PRKAR1A: variants seen among roughly 807,000 people sequenced by gnomAD.
The protein encoded by PRKAR1A is cAMP-dependent protein kinase type I-alpha regulatory subunit.
A neutral mutation model predicts 52.0 loss-of-function variants in PRKAR1A; 3 were observed. That is an observed-to-expected ratio of 0.06 (90% CI 0.03 to 0.15). The LOEUF (loss-of-function observed/expected upper bound fraction) is 0.15, where lower values mean the gene tolerates loss of function less well. PRKAR1A is among the 10% of genes least tolerant of loss of function. The pLI is 1.00. For synonymous variants in PRKAR1A, 188 were observed against 168.4 expected (o/e 1.12, Z -0.90); for missense variants, 240 against 477.4 (o/e 0.50, Z 4.63).
At chr17:68,536,863 C>G (rs1236355930), downstream of PRKAR1A, 10 of 453,984 alleles carry the variant, frequency 2.2e-5, no homozygotes, top group Non-Finnish European at 4.4e-5. Context: ...GCAAATCCCT[C>G]TTTTATTTTT....
the PRKAR1A span, among the ~76,000 whole-genome samples, chr17:68,476,067 G>A: frequency 4.6e-5 from 7 of 152,020 alleles, no homozygotes; most frequent in Non-Finnish European, 7.4e-5. Flanking sequence ...TTGCCCTATA[G>A]TGTTTACAAA....
At chr17:68,437,563 A>G in the PRKAR1A span, among the ~76,000 whole-genome samples, 1 of 152,122 alleles carries the variant, frequency 6.6e-6, no homozygotes, top group South Asian at 2.1e-4. Context: ...AGAAAAAAAA[A>G]AAAAGAAACC....
intron 2 of PRKAR1A, among the ~76,000 whole-genome samples, chr17:68,520,386 G>A (rs1470501065): frequency 2.6e-5 from 4 of 152,186 alleles, no homozygotes; most frequent in Non-Finnish European, 5.9e-5. Context: ...ATGCAAAACC[G>A]AATGCAGAAT....
At chr17:68,443,601 G>A in the PRKAR1A span, among the ~76,000 whole-genome samples, 4 of 152,150 alleles carry the variant, frequency 2.6e-5, no homozygotes, top group South Asian at 8.3e-4. Context: ...CTGGGAGATG[G>A]GTATTATTCA....
intron 11 of PRKAR1A, among the ~76,000 whole-genome samples, chr17:68,548,725 A>ATT (rs753348891): frequency 0.032 from 2,509 of 78,934 alleles, 99 homozygotes; most frequent in African/African-American, 0.043. Flanking sequence ...ATGCCTGTAT[A>ATT]TTTTTTTTTT....
the PRKAR1A span, among the ~76,000 whole-genome samples, chr17:68,457,049 C>G: frequency 6.6e-6 from 1 of 152,218 alleles, no homozygotes; most frequent in Non-Finnish European, 1.5e-5. Context: ...CCTGCTCCCC[C>G]CATATTCCGT....
At chr17:68,504,763 G>C in the PRKAR1A span, among the ~76,000 whole-genome samples, 1 of 151,942 alleles carries the variant, frequency 6.6e-6, no homozygotes, top group Non-Finnish European at 1.5e-5. Context: ...GGATGAATAA[G>C]ACATAGTATT....
At chr17:68,481,022 G>C in the PRKAR1A span, among the ~76,000 whole-genome samples, 1 of 152,122 alleles carries the variant, frequency 6.6e-6, no homozygotes, top group Non-Finnish European at 1.5e-5. Context: ...GTAGCTTATC[G>C]GTCTAACAGT....
chr17:68,435,819 CCT>C, the PRKAR1A span: 1 of 969,640 alleles, frequency 1.0e-6, no homozygotes, highest in Admixed American at 2.0e-5. Flanking sequence ...TGTCCAGCTC[CCT>C]GTCTCTTCCT....
chr17:68,542,208 T>C (rs1016110739), intron 11 of PRKAR1A: 10 of 1,606,472 alleles, frequency 6.2e-6, no homozygotes, highest in Middle Eastern at 1.6e-4. Context: ...TGGAGGGCTC[T>C]GGAGGCATGA....
At chr17:68,481,592 G>A in the PRKAR1A span, among the ~76,000 whole-genome samples, 1 of 152,220 alleles carries the variant, frequency 6.6e-6, no homozygotes, top group Non-Finnish European at 1.5e-5. Flanking sequence ...GTACTGGTCT[G>A]TAGCCCAGGG....
the PRKAR1A span, among the ~76,000 whole-genome samples, chr17:68,450,523 G>C: frequency 1.3e-5 from 2 of 152,216 alleles, no homozygotes; most frequent in African/African-American, 4.8e-5. Flanking sequence ...GGAAACATGA[G>C]CCAGAGGTCT....
chr17:68,481,705 G>A, the PRKAR1A span, among the ~76,000 whole-genome samples: 1 of 152,074 alleles, frequency 6.6e-6, no homozygotes, highest in Admixed American at 6.6e-5. Flanking sequence ...TGGAACCCTG[G>A]GATAGTTATT....
the PRKAR1A span, chr17:68,434,701 T>A: frequency 5.3e-6 from 8 of 1,500,946 alleles, no homozygotes; most frequent in South Asian, 9.5e-5. Context: ...GAGAGGAGTT[T>A]GTTTTATTGG....
chr17:68,452,782 T>C, the PRKAR1A span: 1 of 706,882 alleles, frequency 1.4e-6, no homozygotes, highest in African/African-American at 1.8e-5. Flanking sequence ...AATCTAAAAA[T>C]CTTGACTCCC....
chr17:68,502,307 T>A, the PRKAR1A span, among the ~76,000 whole-genome samples: 2 of 152,092 alleles, frequency 1.3e-5, no homozygotes, highest in African/African-American at 2.4e-5. Context: ...CCTGTTTTCA[T>A]GCAGCATAAA....
the PRKAR1A span, among the ~76,000 whole-genome samples, chr17:68,450,077 A>G: frequency 6.6e-6 from 1 of 152,320 alleles, no homozygotes; most frequent in South Asian, 2.1e-4. Flanking sequence ...AACACCCCCA[A>G]TACTTACTGA....
chr17:68,530,967 G>C lies in PRKAR1A; in HGVS notation c.*518G>C. 1 of 1,079,114 alleles carries C rather than the reference G, an allele frequency of 9.3e-7. No individual in the cohort carries two copies. Among genetic ancestry groups the C allele is most frequent in the South Asian group, 4.2e-5 (1 of 23,842 alleles). 66.8% of individuals were successfully genotyped at this position (1,079,114 alleles called of 1,614,324 possible). The stretch of plus-strand genomic sequence containing the variant: ...AAGACATCTGCCTGTAATTAAACTA[G>C]TTTAAGGGTGGAAAAATGCCCATTT... On this transcript the variant is annotated 3_prime_UTR_variant, in exon 11 of 11. Coordinates refer to ENST00000589228, the MANE Select transcript of PRKAR1A (RefSeq NM_002734.5).
chr17:68,516,729 A>T (rs949647663), intron 2 of PRKAR1A, among the ~76,000 whole-genome samples: 1 of 71,550 alleles, frequency 1.4e-5, no homozygotes, highest in Admixed American at 1.9e-4. Context: ...CAGAATAATT[A>T]AAAAAAAAAC....
Sources: allele counts gnomAD v4.1 joint callset (sites outside exome capture counted in the v4.1 genomes callset), GRCh38; gene constraint gnomAD v4.1.1; transcripts MANE v1.5; gene names NCBI Gene and HGNC (gene_info 2026-07-23, HGNC 2026-07-21).